Variants in STX17 observed in about 807,000 individuals in gnomAD.
STX17 encodes syntaxin-17.
In STX17, 29 loss-of-function variants were observed where a neutral mutation model predicts 35.9. That is an observed-to-expected ratio of 0.81 (90% CI 0.60 to 1.10). STX17 has a LOEUF of 1.10. STX17 is among the 50% of genes least tolerant of loss of function. The pLI is 0.00. For synonymous variants in STX17, 92 were observed against 118.3 expected, an observed-to-expected ratio of 0.78 and a Z score of 1.44; for missense variants, 312 against 352.3, an observed-to-expected ratio of 0.89 and a Z score of 0.92.
At chr9:99,907,768 A>C (rs1828580145) in intron 1 of STX17, among the ~76,000 whole-genome samples, 1 of 152,216 alleles carries the variant, frequency 6.6e-6, no homozygotes, top group Non-Finnish European at 1.5e-5. Context: ...GCAATTATCA[A>C]AAGCAAGAAG....
chr9:99,962,641 CAT>C (rs1829849143), intron 6 of STX17, among the ~76,000 whole-genome samples: 2 of 152,166 alleles, frequency 1.3e-5, no homozygotes, highest in Non-Finnish European at 2.9e-5. Context: ...AAGATAGTTA[CAT>C]GTTTGATTAT....
At chr9:99,923,159 T>C (rs1828921441) in intron 2 of STX17, among the ~76,000 whole-genome samples, 1 of 152,082 alleles carries the variant, frequency 6.6e-6, no homozygotes, top group Non-Finnish European at 1.5e-5. Flanking sequence ...TCAGGGAGTA[T>C]ATGGGCAGGA....
At chr9:99,908,582 C>T (rs1279967091) in intron 1 of STX17, among the ~76,000 whole-genome samples, 3 of 152,082 alleles carry the variant, frequency 2.0e-5, no homozygotes, top group African/African-American at 7.2e-5. Flanking sequence ...TTTCAGGTTG[C>T]TTTCTGTAGC....
chr9:99,908,256 G>A (rs1386777173), intron 1 of STX17, among the ~76,000 whole-genome samples: 2 of 151,644 alleles, frequency 1.3e-5, no homozygotes, highest in East Asian at 1.9e-4. Flanking sequence ...TGACATCTTG[G>A]GGGGGAGCTT....
chr9:99,958,849 G>T (rs1321315680), intron 4 of STX17, among the ~76,000 whole-genome samples: 1 of 152,158 alleles, frequency 6.6e-6, no homozygotes, highest in East Asian at 1.9e-4. Context: ...GTGTTTAATG[G>T]GGAAAGTCCT....
intron 2 of STX17, 150 bp from the exon 3 acceptor site, chr9:99,928,628 G>A: frequency 2.0e-6 from 1 of 497,144 alleles, no homozygotes; most frequent in African/African-American, 2.0e-5. Context: ...CTACTTGTAT[G>A]TGTTTGGAAA....
rs762437652 is a variant in STX17, at chr9:99,951,115, A to T, written c.245A>T (p.Asp82Val). 1.2e-6 allele frequency: 2 copies of T among 1,612,698 alleles called. No individual in the cohort carries two copies. Among genetic ancestry groups the T allele is most frequent in the Non-Finnish European group, 1.7e-6 (2 of 1,178,998 alleles). Residue 82 changes from aspartate (D) to valine (V), a missense_variant, in exon 4 of 8, where the codon GAT becomes GTT. By Grantham distance (152) the Asp-to-Val change is radical (BLOSUM62 -3). Coordinates refer to ENST00000259400, the MANE Select transcript of STX17 (RefSeq NM_017919.3). ...IEKLCLKVRKDDLVLLKRMID... is the reference protein window; with the variant it reads ...IEKLCLKVRKVDLVLLKRMID... Reference sequence around the variant, plus strand: ...AAACTTTGTTTGAAAGTCCGAAAGGATGACCTAGTACTTCTGAAGAGAATG... The same window carrying T: ...AAACTTTGTTTGAAAGTCCGAAAGGTTGACCTAGTACTTCTGAAGAGAATG...
chr9:99,925,173 A>C (rs896313411), intron 2 of STX17, among the ~76,000 whole-genome samples: 1 of 151,496 alleles, frequency 6.6e-6, no homozygotes, highest in Non-Finnish European at 1.5e-5. Flanking sequence ...TGGTTGCTTT[A>C]TGGTTCAGAG....
intron 2 of STX17, among the ~76,000 whole-genome samples, chr9:99,926,222 C>A (rs79410406): frequency 6.6e-6 from 1 of 151,706 alleles, no homozygotes; most frequent in Non-Finnish European, 1.5e-5. Context: ...TTTTCTTCTA[C>A]CTTCTTAAAT....
chr9:99,952,484 G>A (rs1829621835), intron 4 of STX17, among the ~76,000 whole-genome samples: 1 of 152,164 alleles, frequency 6.6e-6, no homozygotes, highest in Admixed American at 6.5e-5. Flanking sequence ...ATTCCTCAAG[G>A]ATCTAGAACT....
At chr9:99,919,333 C>T (rs114349636) in intron 2 of STX17, among the ~76,000 whole-genome samples, 3,107 of 152,192 alleles carry the variant, frequency 0.02, 95 homozygotes, top group African/African-American at 0.07. Flanking sequence ...CATCTCAAAG[C>T]GCTGGCCTCA....
At chr9:99,933,419 C>G (rs1288881647) in intron 3 of STX17, among the ~76,000 whole-genome samples, 1 of 152,050 alleles carries the variant, frequency 6.6e-6, no homozygotes, top group Non-Finnish European at 1.5e-5. Flanking sequence ...CTCTTTAGTC[C>G]TCCATATGAA....
chr9:99,907,355 C>G (rs570961486), intron 1 of STX17: 1 of 152,304 alleles, frequency 6.6e-6, no homozygotes, highest in East Asian at 1.9e-4. Context: ...TCGGGCGCCA[C>G]TAGTATCCTG....
At chr9:99,962,741 G>A (rs1374191798) in intron 6 of STX17, among the ~76,000 whole-genome samples, 1 of 152,172 alleles carries the variant, frequency 6.6e-6, no homozygotes, top group Non-Finnish European at 1.5e-5. Context: ...CAAATGTCCT[G>A]TTTGTAATAA....
intron 3 of STX17, among the ~76,000 whole-genome samples, chr9:99,944,075 C>A (rs1002439283): frequency 6.6e-6 from 1 of 151,886 alleles, no homozygotes; most frequent in Non-Finnish European, 1.5e-5. Flanking sequence ...TTTATTTCAT[C>A]TAAGTTTTCT....
At chr9:99,925,763 C>T (rs1181267336) in intron 2 of STX17, among the ~76,000 whole-genome samples, 1 of 151,816 alleles carries the variant, frequency 6.6e-6, no homozygotes, top group Non-Finnish European at 1.5e-5. Context: ...TGTCTTTTTT[C>T]TTCCCGTTTT....
intron 4 of STX17, among the ~76,000 whole-genome samples, chr9:99,957,828 G>A (rs992562210): frequency 1.3e-5 from 2 of 150,918 alleles, no homozygotes; most frequent in African/African-American, 4.9e-5. Context: ...AATTTTTTGT[G>A]TTTTAGTAGA....
chr9:99,922,121 C>T (rs1175263909), intron 2 of STX17, among the ~76,000 whole-genome samples: 2 of 152,162 alleles, frequency 1.3e-5, no homozygotes, highest in Non-Finnish European at 2.9e-5. Context: ...AACACACCAC[C>T]CTTACACAGT....
At chr9:99,923,475 T>C (rs909825307) in intron 2 of STX17, among the ~76,000 whole-genome samples, 16 of 152,160 alleles carry the variant, frequency 1.1e-4, no homozygotes, top group African/African-American at 3.4e-4. Context: ...ACACACAACA[T>C]GTTTTCTCTT....
Sources: allele counts gnomAD v4.1 joint callset (sites outside exome capture counted in the v4.1 genomes callset), GRCh38; gene constraint gnomAD v4.1.1; transcripts MANE v1.5; gene names NCBI Gene and HGNC (gene_info 2026-07-23, HGNC 2026-07-21).